HECW1: variants seen among roughly 807,000 people sequenced by gnomAD.
HECW1 encodes the protein HECT, C2 and WW domain containing E3 ubiquitin protein ligase 1.
HECW1 carries 61 observed loss-of-function variants against 182.3 expected under a neutral mutation model. That is an observed-to-expected ratio of 0.33 (90% confidence interval 0.27 to 0.41). The LOEUF (loss-of-function observed/expected upper bound fraction) is 0.41, where lower values mean the gene tolerates loss of function less well. Ranked by LOEUF, HECW1 falls within the 10% of genes least tolerant of loss-of-function variation. HECW1 has a pLI of 1.00. For synonymous variants in HECW1, 859 were observed against 832.6 expected (o/e 1.03, Z -0.55); for missense variants, 1,739 against 2,108.9 (o/e 0.82, Z 3.44).
chr7:43,305,123 G>C (rs1258023908), intron 3 of HECW1, among the ~76,000 whole-genome samples: 1 of 152,182 alleles, frequency 6.6e-6, no homozygotes, highest in Non-Finnish European at 1.5e-5. Context: ...ACACAGCACA[G>C]TCGCTCAGTC....
intron 2 of HECW1, among the ~76,000 whole-genome samples, chr7:43,208,092 G>C (rs1401023431): frequency 6.6e-6 from 1 of 151,972 alleles, no homozygotes; most frequent in Non-Finnish European, 1.5e-5. Flanking sequence ...TTCTGTTTCT[G>C]GAGCTCCTGT....
At chr7:43,514,811 G>A (rs1270685405) in intron 24 of HECW1, among the ~76,000 whole-genome samples, 1 of 152,006 alleles carries the variant, frequency 6.6e-6, no homozygotes, top group Non-Finnish European at 1.5e-5. Context: ...CAGATATAAT[G>A]TTATTATTAC....
chr7:43,457,387 G>C (rs1584965705), intron 13 of HECW1, among the ~76,000 whole-genome samples: 1 of 152,202 alleles, frequency 6.6e-6, no homozygotes. Flanking sequence ...GAAGAACTGG[G>C]TTTGTGGAAC....
chr7:43,207,164 A>G (rs981456677), intron 2 of HECW1, among the ~76,000 whole-genome samples: 1 of 152,184 alleles, frequency 6.6e-6, no homozygotes, highest in Non-Finnish European at 1.5e-5. Flanking sequence ...ATCCTGCCTC[A>G]GCCTACAGAC....
rs117079085 is a variant in HECW1 at position 43,456,947 on chromosome 7, T to C, written c.2651+500T>C. Among the ~76,000 whole-genome samples, 36 of 152,354 alleles carry C rather than the reference T, an allele frequency of 2.4e-4. No homozygotes were observed. The East Asian group carries it at 6.7e-3, about 29-fold the overall frequency. On this transcript the variant is annotated intron_variant, in intron 13 of 29. Coordinates refer to ENST00000395891, the MANE Select transcript of HECW1 (RefSeq NM_015052.5). ...GAGAATAAACTGTCTCATAAATCAC[T>C]GTATGCATTCCTACCCTGATTCCAT...
chr7:43,297,933 A>G (rs1433163624), intron 3 of HECW1, among the ~76,000 whole-genome samples: 1 of 152,160 alleles, frequency 6.6e-6, no homozygotes, highest in Non-Finnish European at 1.5e-5. Flanking sequence ...AATTAGCCAG[A>G]CATGATAGTA....
Position 43,553,983 on chromosome 7 carries a change from G to A in HECW1, c.4511-609G>A, listed in dbSNP as rs553903005. 6.6e-4 allele frequency among the ~76,000 whole-genome samples: 100 copies of A among 152,282 alleles called. No homozygotes were observed. The Middle Eastern group carries it at 0.024, about 36-fold the overall frequency. ...TTGCATTTGCAGTCAATGGCAAATCGTTTAATTGATATATCCAAGCATGGT... is the reference window on the plus strand; with the variant it reads ...TTGCATTTGCAGTCAATGGCAAATCATTTAATTGATATATCCAAGCATGGT... On this transcript the variant is annotated intron_variant, in intron 28 of 29. Transcript: ENST00000395891.
chr7:43,280,592 C>A (rs1803762722), intron 3 of HECW1, among the ~76,000 whole-genome samples: 1 of 152,126 alleles, frequency 6.6e-6, no homozygotes, highest in Non-Finnish European at 1.5e-5. Context: ...TAAGCAAGAG[C>A]ACAATAGCAC....
chr7:43,214,235 A>G (rs936537941), intron 2 of HECW1, among the ~76,000 whole-genome samples: 2 of 151,976 alleles, frequency 1.3e-5, no homozygotes, highest in African/African-American at 4.8e-5. Flanking sequence ...ATGGATGTAC[A>G]TACATGTAAA....
At chr7:43,394,647 GGTGA>G (rs2075163491) in intron 6 of HECW1, among the ~76,000 whole-genome samples, 1 of 152,172 alleles carries the variant, frequency 6.6e-6, no homozygotes, top group African/African-American at 2.4e-5. Context: ...CTGGGCATCT[GGTGA>G]GTTTCAGTCC....
At chr7:43,245,525 T>C (rs1799304080) in intron 3 of HECW1, 1 of 152,184 alleles carries the variant, frequency 6.6e-6, no homozygotes, top group African/African-American at 2.4e-5. Flanking sequence ...CTAGACAATC[T>C]CAGCTCATGG....
chr7:43,186,630 C>T (rs919300486), intron 2 of HECW1, among the ~76,000 whole-genome samples: 2 of 150,970 alleles, frequency 1.3e-5, no homozygotes, highest in Non-Finnish European at 2.9e-5. Flanking sequence ...GATTGCACCA[C>T]CGCACTCCAG....
intron 2 of HECW1, among the ~76,000 whole-genome samples, chr7:43,204,987 C>T (rs932629494): frequency 5.3e-5 from 8 of 152,048 alleles, no homozygotes; most frequent in African/African-American, 1.7e-4. Flanking sequence ...CTATCTCAAA[C>T]GGGCACAGAA....
chr7:43,549,794 G>A (rs183829523), intron 26 of HECW1, among the ~76,000 whole-genome samples: 1 of 152,314 alleles, frequency 6.6e-6, no homozygotes, highest in East Asian at 1.9e-4. Flanking sequence ...CCAGCTGTGG[G>A]AGTGGAAGCT....
chr7:43,369,959 AGAC>A (rs1286769190), intron 6 of HECW1, among the ~76,000 whole-genome samples: 1 of 152,262 alleles, frequency 6.6e-6, no homozygotes, highest in Non-Finnish European at 1.5e-5. Context: ...ATTAAAGAAA[AGAC>A]AAACCATCTG....
rs139664765 is a variant in HECW1 at position 43,171,176 on chromosome 7, AC to A, written c.-32+56786del. Among the ~76,000 whole-genome samples, 326 of 152,290 alleles carry A rather than the reference AC, an allele frequency of 2.1e-3. 2 individuals are homozygous for A. Among genetic ancestry groups the A allele is most frequent in the African/African-American group, 7.1e-3 (296 of 41,552 alleles). On this transcript the variant is annotated intron_variant, in intron 2 of 29. Coordinates refer to ENST00000395891, the MANE Select transcript of HECW1 (RefSeq NM_015052.5). ...GAGTTTAGAAAAAGTAAAATGCTTGACTTTCTTATGCGGAATGAAGATTGTG... is the reference window on the plus strand; with the variant it reads ...GAGTTTAGAAAAAGTAAAATGCTTGATTTCTTATGCGGAATGAAGATTGTG...
intron 5 of HECW1, among the ~76,000 whole-genome samples, chr7:43,323,468 C>T (rs746885613): frequency 5.3e-5 from 8 of 151,828 alleles, no homozygotes; most frequent in African/African-American, 1.7e-4. Context: ...TGCCTGTAGT[C>T]GCAGCTACTT....
At chr7:43,145,260 C>T (rs542319327) in intron 2 of HECW1, among the ~76,000 whole-genome samples, 2 of 152,210 alleles carry the variant, frequency 1.3e-5, no homozygotes, top group Non-Finnish European at 2.9e-5. Flanking sequence ...GTGTGTTTCC[C>T]TGGTAAAATC....
chr7:43,362,284 G>A (rs534455998), intron 6 of HECW1, among the ~76,000 whole-genome samples: 160 of 152,284 alleles, frequency 1.1e-3, no homozygotes, highest in African/African-American at 3.6e-3. Flanking sequence ...TGAGGCCTTG[G>A]TAGTAAGCAG....
Sources: allele counts gnomAD v4.1 joint callset (sites outside exome capture counted in the v4.1 genomes callset), GRCh38; gene constraint gnomAD v4.1.1; transcripts MANE v1.5; gene names NCBI Gene and HGNC (gene_info 2026-07-23, HGNC 2026-07-21).